The following MGMT variants were observed in gnomAD, a reference collection of about 807,000 sequenced individuals.
The protein encoded by MGMT is O-6-methylguanine-DNA methyltransferase.
MGMT carries 14 observed loss-of-function variants against 15.9 expected under a neutral mutation model. That is an observed-to-expected ratio of 0.88 (90% CI 0.58 to 1.37). The LOEUF (loss-of-function observed/expected upper bound fraction) is 1.37, where lower values mean the gene tolerates loss of function less well. Among genes scored for constraint, MGMT ranks in the 40% most tolerant of loss-of-function variants. The pLI is 0.00. For missense variants in MGMT, 282 were observed against 268.1 expected (o/e 1.05, Z -0.36); for synonymous variants, 130 against 118.2 (o/e 1.10, Z -0.65).
At chr10:129,598,451 G>A (rs1846778677) in intron 2 of MGMT, among the ~76,000 whole-genome samples, 1 of 150,118 alleles carries the variant, frequency 6.7e-6, no homozygotes, top group African/African-American at 2.4e-5. Context: ...CATCCTGGGG[G>A]TGCTGCCTGA....
At chr10:129,765,845 C>T (rs1848927380) in intron 4 of MGMT, among the ~76,000 whole-genome samples, 1 of 152,192 alleles carries the variant, frequency 6.6e-6, no homozygotes, top group African/African-American at 2.4e-5. Context: ...CCAGCACCTA[C>T]ATGGAAACCA....
intron 2 of MGMT, among the ~76,000 whole-genome samples, chr10:129,660,835 G>T (rs1349169503): frequency 2.0e-5 from 3 of 152,012 alleles, no homozygotes; most frequent in South Asian, 2.1e-4. Context: ...CCGGAGTAGG[G>T]AGTATCTCTT....
intron 2 of MGMT, among the ~76,000 whole-genome samples, chr10:129,577,670 G>A (rs1281944087): frequency 1.3e-5 from 2 of 152,256 alleles, no homozygotes; most frequent in East Asian, 1.9e-4. Flanking sequence ...GGCAACAAAA[G>A]CCAAAATTGA....
intron 2 of MGMT, among the ~76,000 whole-genome samples, chr10:129,621,245 G>C (rs1016985171): frequency 3.3e-5 from 5 of 152,200 alleles, no homozygotes; most frequent in African/African-American, 9.7e-5. Context: ...GGTGTTCTGT[G>C]ACGTCACATG....
At chr10:129,575,276 A>G (rs909641641) in intron 2 of MGMT, among the ~76,000 whole-genome samples, 2 of 152,194 alleles carry the variant, frequency 1.3e-5, no homozygotes, top group African/African-American at 2.4e-5. Context: ...TTGACCACAT[A>G]GTTGGAAGTA....
intron 2 of MGMT, among the ~76,000 whole-genome samples, chr10:129,675,408 G>T (rs907827353): frequency 5.9e-5 from 9 of 152,218 alleles, no homozygotes; most frequent in African/African-American, 1.4e-4. Context: ...CAGCAGTGAC[G>T]TCTGTAAGTG....
intron 2 of MGMT, among the ~76,000 whole-genome samples, chr10:129,644,717 G>GA (rs1487496406): frequency 2.6e-5 from 4 of 152,122 alleles, no homozygotes; most frequent in Admixed American, 1.3e-4. Flanking sequence ...ATTAAATTAG[G>GA]AAAAAAAATA....
At chr10:129,751,883 T>A (rs1210294781) in intron 3 of MGMT, among the ~76,000 whole-genome samples, 3 of 152,024 alleles carry the variant, frequency 2.0e-5, no homozygotes, top group African/African-American at 7.2e-5. Flanking sequence ...CTTATATGAT[T>A]GCAGTCATTT....
rs544051925 is a variant in MGMT, at chr10:129,757,769, G to T, written c.275-1433G>T. On this transcript the variant is annotated intron_variant, in intron 3 of 4. Coordinates refer to ENST00000651593, the MANE Select transcript of MGMT (RefSeq NM_002412.5). The stretch of plus-strand genomic sequence containing the variant: ...AAATCCACCACCCCGCCAGCCATCA[G>T]CCGGTAATACAACTGCATGTGCTAA... 3.4e-4 allele frequency among the ~76,000 whole-genome samples: 52 copies of T among 152,336 alleles called. 2 individuals are homozygous for T. Among genetic ancestry groups the T allele is most frequent in the Middle Eastern group, 6.8e-3 (2 of 294 alleles).
chr10:129,688,740 A>C (rs1029461032), intron 2 of MGMT, among the ~76,000 whole-genome samples: 1 of 152,192 alleles, frequency 6.6e-6, no homozygotes, highest in Non-Finnish European at 1.5e-5. Flanking sequence ...AACAAAAGCC[A>C]AAATTGACAA....
chr10:129,665,272 C>A (rs1847646292), intron 2 of MGMT, among the ~76,000 whole-genome samples: 1 of 142,340 alleles, frequency 7.0e-6, no homozygotes, highest in Non-Finnish European at 1.5e-5. Flanking sequence ...ACCCACCCAT[C>A]CTCTCCCCTC....
At chr10:129,733,258 T>C (rs1848522414) in intron 3 of MGMT, among the ~76,000 whole-genome samples, 1 of 146,614 alleles carries the variant, frequency 6.8e-6, no homozygotes, top group African/African-American at 2.5e-5. Context: ...TTCTAACTGG[T>C]GTGAGACGGT....
chr10:129,691,793 G>A (rs1419177602), intron 2 of MGMT, among the ~76,000 whole-genome samples: 1 of 152,186 alleles, frequency 6.6e-6, no homozygotes, highest in Non-Finnish European at 1.5e-5. Context: ...TGTTCCAGGG[G>A]CATCTTCATC....
At chr10:129,582,584 T>G (rs1290169921) in intron 2 of MGMT, among the ~76,000 whole-genome samples, 1 of 152,142 alleles carries the variant, frequency 6.6e-6, no homozygotes, top group Non-Finnish European at 1.5e-5. Flanking sequence ...GGTTGTTGTT[T>G]TTTTTTTTGA....
chr10:129,731,526 G>C (rs576483788), intron 3 of MGMT, among the ~76,000 whole-genome samples: 1 of 151,890 alleles, frequency 6.6e-6, no homozygotes, highest in East Asian at 2.0e-4. Context: ...AAGCAGTACA[G>C]CTGGGATTAC....
At chr10:129,685,835 C>A (rs1479767002) in intron 2 of MGMT, among the ~76,000 whole-genome samples, 1 of 152,206 alleles carries the variant, frequency 6.6e-6, no homozygotes, top group Non-Finnish European at 1.5e-5. Context: ...AGTCTGCATG[C>A]CCACATCTTC....
intron 2 of MGMT, among the ~76,000 whole-genome samples, chr10:129,562,660 G>A (rs1217192603): frequency 1.3e-5 from 2 of 152,190 alleles, no homozygotes; most frequent in Non-Finnish European, 2.9e-5. Flanking sequence ...TCTGGCCAGG[G>A]GAGGGGATAT....
intron 1 of MGMT, among the ~76,000 whole-genome samples, chr10:129,481,556 T>C (rs909992649): frequency 7.2e-5 from 11 of 152,202 alleles, no homozygotes; most frequent in Non-Finnish European, 1.5e-4. Context: ...AGTGAAGCCA[T>C]TTGTGTTTGA....
At chr10:129,561,406 G>T (rs564794704) in intron 2 of MGMT, among the ~76,000 whole-genome samples, 1 of 152,272 alleles carries the variant, frequency 6.6e-6, no homozygotes, top group Admixed American at 6.5e-5. Flanking sequence ...CAGACGAGGG[G>T]AGCAGAAGCT....
Sources: allele counts gnomAD v4.1 joint callset (sites outside exome capture counted in the v4.1 genomes callset), GRCh38; gene constraint gnomAD v4.1.1; transcripts MANE v1.5; gene names NCBI Gene and HGNC (gene_info 2026-07-23, HGNC 2026-07-21).